The following PACSIN2 variants were observed in gnomAD, a reference collection of about 807,000 sequenced individuals.
The protein encoded by PACSIN2 is protein kinase C and casein kinase substrate in neurons 2.
A neutral mutation model predicts 63.8 loss-of-function variants in PACSIN2; 25 were observed. The ratio of observed to expected loss-of-function variants is 0.39; its 90% confidence interval spans 0.29 to 0.55. The LOEUF (loss-of-function observed/expected upper bound fraction) is 0.55, where lower values mean the gene tolerates loss of function less well. PACSIN2 is among the 20% of genes least tolerant of loss of function. PACSIN2 has a pLI of 0.62. For synonymous variants in PACSIN2, 255 were observed against 256.2 expected, an observed-to-expected ratio of 1.00 and a Z score of 0.05; for missense variants, 518 against 646.9, an observed-to-expected ratio of 0.80 and a Z score of 2.16.
At chr22:42,914,276 G>T (rs189608918) in intron 1 of PACSIN2, among the ~76,000 whole-genome samples, 125 of 152,192 alleles carry the variant, frequency 8.2e-4, no homozygotes, top group Middle Eastern at 6.8e-3. Flanking sequence ...TCTGTTGCCC[G>T]GGCTGGAGTG....
At chr22:42,933,045 T>TAAGCATTTTATATTTATATTAAATCAGC (rs1261318426) in intron 1 of PACSIN2, among the ~76,000 whole-genome samples, 3 of 152,252 alleles carry the variant, frequency 2.0e-5, no homozygotes, top group African/African-American at 7.2e-5. Flanking sequence ...TCAGCATTTA[T>TAAGCATTTTATATTTATATTAAATCAGC]ATTTACAGTA....
rs200348918 is a variant in PACSIN2, at chr22:42,982,887, A to AAAAAAAAAAAAAAAAAAAAAAAAAAC, written c.-78+32133_-78+32134insGTTTTTTTTTTTTTTTTTTTTTTTTT. On this transcript the variant is annotated intron_variant, in intron 1 of 10. Transcript: ENST00000263246. Reference sequence around the variant, plus strand: ...TGATCAATAAAAAAAAAAAAAAAAAAAAACAACAACAAGGCTAGGAGCAGT... The same window carrying AAAAAAAAAAAAAAAAAAAAAAAAAAC: ...TGATCAATAAAAAAAAAAAAAAAAAAAAAAAAAAAAAAAAAAAAAAAAAAACAAACAACAACAAGGCTAGGAGCAGT... 2.3e-5 allele frequency among the ~76,000 whole-genome samples: 3 copies of AAAAAAAAAAAAAAAAAAAAAAAAAAC among 129,494 alleles called. 1 individual carries two copies. The highest frequency in any genetic ancestry group is 8.5e-5 in the Admixed American group (1 of 11,762). The allele number at this position is 129,494 out of a possible 152,430, so 85.0% of individuals were successfully genotyped here.
intron 5 of PACSIN2, among the ~76,000 whole-genome samples, chr22:42,887,223 G>C (rs111620194): frequency 1.2e-4 from 18 of 152,228 alleles, no homozygotes; most frequent in African/African-American, 4.3e-4. Flanking sequence ...TTTCCCAGAG[G>C]ATTCTGACAC....
rs530202248 is a variant in PACSIN2, at chr22:42,892,295, G to A, written c.218-1113C>T. Among the ~76,000 whole-genome samples the A allele has an allele frequency of 6.6e-5, 10 of 152,268 alleles. No homozygotes were observed. In the East Asian group the frequency reaches 1.5e-3, roughly 24 times the overall value. On this transcript the variant is annotated intron_variant, in intron 3 of 10. Coordinates refer to ENST00000263246, the MANE Select transcript of PACSIN2 (RefSeq NM_001184970.3). ...GGTCACAGGGACAGTGACCAAGTGC[G>A]CTGAGTCATGACAGAGGTGGGCTGA... is the stretch of plus-strand genomic sequence containing the variant.
rs550789503 is a variant in PACSIN2, at chr22:42,971,203, A to G, written c.-78+43818T>C. On this transcript the variant is annotated intron_variant, in intron 1 of 10. Coordinates refer to ENST00000263246, the MANE Select transcript of PACSIN2 (RefSeq NM_001184970.3). ...CCTCCCTGCCTGATTCTCCTGCCTC[A>G]GCCTGCCAAGCGCCTGGGATTGCAG... Among the ~76,000 whole-genome samples, 36 of 152,282 alleles carry G rather than the reference A, an allele frequency of 2.4e-4. No individual in the cohort carries two copies. The South Asian group carries it at 7.5e-3, about 32-fold the overall frequency.
chr22:42,876,985 C>T lies in PACSIN2; in HGVS notation c.1054G>A (p.Ala352Thr), dbSNP rs771267957. The change falls in exon 9 of 11, where the codon GCC becomes ACC. Residue 352 changes from alanine to threonine, a missense_variant. Around this residue, in one of 2 missense-constraint regions of PACSIN2, gnomAD observed 507 missense variants for 612.3 expected, o/e 0.83. Transcript: ENST00000263246. Reference protein sequence around the residue: ...SSTLNVPSNPAQSAQSQSSYN... With the variant: ...SSTLNVPSNPTQSAQSQSSYN... ...CTGGACTGTGACTGCGCAGACTGGG[C>T]GGGGTTGCTCGGGACATTAAGGGTG... is the stretch of plus-strand genomic sequence containing the variant. 2.4e-5 allele frequency: 39 copies of T among 1,613,966 alleles called. 1 individual carries two copies. Among genetic ancestry groups the T allele is most frequent in the South Asian group, 2.1e-4 (19 of 91,074 alleles).
At chr22:42,951,264 G>A (rs912538812) in intron 1 of PACSIN2, among the ~76,000 whole-genome samples, 1 of 152,136 alleles carries the variant, frequency 6.6e-6, no homozygotes, top group East Asian at 1.9e-4. Context: ...AGTATTAACT[G>A]CATTCTCTCT....
chr22:42,915,106 G>A lies in PACSIN2; in HGVS notation c.-77-2949C>T, dbSNP rs567647865. 4.6e-5 allele frequency among the ~76,000 whole-genome samples: 7 copies of A among 152,228 alleles called. No individual in the cohort carries two copies. In the South Asian group the frequency reaches 1.2e-3, roughly 27 times the overall value. On this transcript the variant is annotated intron_variant, in intron 1 of 10. Transcript: ENST00000263246. ...TGGTCTCAAACTCCTGGGCTCAAGC[G>A]TTCCTCCTGCCTTGGCCTCCCAAAT...
chr22:42,924,727 G>A (rs1932420918), intron 1 of PACSIN2, among the ~76,000 whole-genome samples: 2 of 151,328 alleles, frequency 1.3e-5, no homozygotes, highest in South Asian at 4.2e-4. Context: ...CCACAGGCCT[G>A]TATCAGCCCC....
At chr22:43,000,614 C>T (rs1444113017) in intron 1 of PACSIN2, among the ~76,000 whole-genome samples, 1 of 152,134 alleles carries the variant, frequency 6.6e-6, no homozygotes, top group Non-Finnish European at 1.5e-5. Flanking sequence ...TGAGCGTACA[C>T]CCAAAAAACT....
intron 7 of PACSIN2, among the ~76,000 whole-genome samples, chr22:42,880,062 G>A (rs566749706): frequency 6.6e-6 from 1 of 152,324 alleles, no homozygotes; most frequent in South Asian, 2.1e-4. Context: ...GTGCATGCCC[G>A]CAGGTGTTTA....
intron 1 of PACSIN2, among the ~76,000 whole-genome samples, chr22:43,014,321 TA>T (rs56386353): frequency 0.68 from 89,021 of 130,814 alleles, 29,110 homozygotes; most frequent in East Asian, 0.84. Context: ...CCCCCCGCCC[TA>T]CACACACACA....
chr22:42,945,238 G>T (rs986848146), intron 1 of PACSIN2, among the ~76,000 whole-genome samples: 4 of 152,148 alleles, frequency 2.6e-5, no homozygotes, highest in African/African-American at 9.7e-5. Context: ...AATCAGTGGG[G>T]GACGAGGGCA....
chr22:42,882,354 C>A, intron 6 of PACSIN2, 50 bp from the exon 7 acceptor site: 1 of 1,568,736 alleles, frequency 6.4e-7, no homozygotes, highest in Non-Finnish European at 8.6e-7. Context: ...GCCAGCTACC[C>A]TTTGTCCCAG....
At chr22:42,903,731 G>T (rs1306946227) in intron 2 of PACSIN2, among the ~76,000 whole-genome samples, 1 of 152,174 alleles carries the variant, frequency 6.6e-6, no homozygotes, top group Admixed American at 6.5e-5. Context: ...GGCCCAAGAG[G>T]GTTAGAGATT....
intron 2 of PACSIN2, among the ~76,000 whole-genome samples, chr22:42,898,781 C>T (rs1444193068): frequency 6.6e-6 from 1 of 152,164 alleles, no homozygotes; most frequent in Non-Finnish European, 1.5e-5. Flanking sequence ...AATCGTTCCT[C>T]TGAGAACCCA....
Position 42,884,403 on chromosome 22 carries a change from G to A in PACSIN2, c.768C>T (p.Asp256=). The change falls in exon 6 of 11, where the codon GAC becomes GAT. Residue 256 remains aspartate, a synonymous_variant. Coordinates refer to ENST00000263246, the MANE Select transcript of PACSIN2 (RefSeq NM_001184970.3). ...EVLLEVQKHL[D]LSNVAGYKAI... The stretch of plus-strand genomic sequence containing the variant: ...AAACTTACCCAGCCACATTGGACAG[G>A]TCTAGGTGCTTCTGAACCTCCAGCA... 6.2e-7 allele frequency: 1 copy of A among 1,614,168 alleles called. No individual in the cohort carries two copies. The highest frequency in any genetic ancestry group is 8.5e-7 in the Non-Finnish European group (1 of 1,179,990).
chr22:42,913,538 G>C (rs1243372984), intron 1 of PACSIN2, among the ~76,000 whole-genome samples: 1 of 149,988 alleles, frequency 6.7e-6, no homozygotes, highest in Admixed American at 6.6e-5. Flanking sequence ...ACACAGAATT[G>C]CTGCAAGTCA....
intron 1 of PACSIN2, among the ~76,000 whole-genome samples, chr22:42,946,505 G>A (rs778287965): frequency 6.6e-6 from 1 of 152,120 alleles, no homozygotes; most frequent in African/African-American, 2.4e-5. Context: ...CAGTGAGATC[G>A]CACCACTGCA....
Sources: gnomAD v4.1 joint callset for allele counts (sites outside exome capture counted in the v4.1 genomes callset) on GRCh38, gnomAD v4.1.1 for gene constraint, gnomAD v4.1.1 regional missense constraint, MANE v1.5 for transcripts, NCBI Gene and HGNC (gene_info 2026-07-23, HGNC 2026-07-21) for gene names.